Variants in SNX29 observed in about 807,000 individuals in gnomAD.
SNX29 encodes the protein sorting nexin-29.
A neutral mutation model predicts 102.1 loss-of-function variants in SNX29; 78 were observed. That is an observed-to-expected ratio of 0.76 (90% CI 0.64 to 0.92). SNX29 has a LOEUF of 0.92. Ranked by LOEUF, SNX29 falls within the 40% of genes least tolerant of loss-of-function variation. The pLI is 0.00. For synonymous variants in SNX29, 580 were observed against 414.5 expected (o/e 1.40, Z -4.85); for missense variants, 1,280 against 1,061.7 (o/e 1.21, Z -2.86).
intron 4 of SNX29, 138 bp from the exon 5 acceptor site, chr16:12,042,759 G>A: frequency 3.7e-6 from 3 of 807,132 alleles, no homozygotes; most frequent in South Asian, 1.9e-5. Flanking sequence ...CCATGTCTTT[G>A]GTGTTATCTC....
chr16:12,516,104 T>A (rs574605621), intron 19 of SNX29, among the ~76,000 whole-genome samples: 3 of 152,154 alleles, frequency 2.0e-5, no homozygotes, highest in African/African-American at 7.2e-5. Context: ...ATGGCTCTCG[T>A]CTAATTGCAA....
At chr16:12,554,163 A>C (rs894610765) in intron 20 of SNX29, among the ~76,000 whole-genome samples, 1 of 152,214 alleles carries the variant, frequency 6.6e-6, no homozygotes, top group Non-Finnish European at 1.5e-5. Flanking sequence ...TAAGTAAATG[A>C]GCAATGTGTG....
At chr16:12,419,800 G>A (rs1443149974) in intron 18 of SNX29, among the ~76,000 whole-genome samples, 1 of 152,212 alleles carries the variant, frequency 6.6e-6, no homozygotes, top group African/African-American at 2.4e-5. Flanking sequence ...CCCAGTGCCT[G>A]GGTAGGTGTG....
chr16:12,257,535 G>T (rs1463260152), intron 14 of SNX29, among the ~76,000 whole-genome samples: 2 of 151,824 alleles, frequency 1.3e-5, no homozygotes, highest in Non-Finnish European at 2.9e-5. Context: ...GAGAGACAGG[G>T]TCTTGCTCTG....
intron 11 of SNX29, chr16:12,089,839 G>A (rs1294355230): frequency 2.5e-6 from 1 of 399,944 alleles, no homozygotes; most frequent in South Asian, 1.8e-5. Context: ...CGTTCCTTCC[G>A]TCCTTCACTG....
intron 15 of SNX29, among the ~76,000 whole-genome samples, chr16:12,282,102 A>AAAG (rs1567393998): frequency 6.6e-6 from 1 of 151,244 alleles, no homozygotes; most frequent in East Asian, 1.9e-4. Flanking sequence ...AAAAAAAAAA[A>AAAG]AAAAAATGCA....
chr16:12,376,997 G>A (rs1256139011), intron 16 of SNX29, among the ~76,000 whole-genome samples: 1 of 152,022 alleles, frequency 6.6e-6, no homozygotes, highest in Non-Finnish European at 1.5e-5. Flanking sequence ...CTGGTTCTGG[G>A]GTTTTCTAAC....
intron 19 of SNX29, among the ~76,000 whole-genome samples, chr16:12,498,993 A>G (rs568855693): frequency 3.9e-5 from 6 of 152,290 alleles, no homozygotes; most frequent in African/African-American, 7.2e-5. Flanking sequence ...GGACAGCTGC[A>G]TAAATCTTTT....
chr16:12,529,869 A>G (rs552143427), intron 20 of SNX29, among the ~76,000 whole-genome samples: 8 of 152,324 alleles, frequency 5.3e-5, no homozygotes, highest in African/African-American at 1.9e-4. Context: ...GGAAGTAGCA[A>G]CTTTTGACTT....
At chr16:12,314,594 A>G (rs1233746578) in intron 15 of SNX29, among the ~76,000 whole-genome samples, 1 of 152,238 alleles carries the variant, frequency 6.6e-6, no homozygotes, top group African/African-American at 2.4e-5. Flanking sequence ...CTGATATGCA[A>G]GATATACCAC....
intron 15 of SNX29, among the ~76,000 whole-genome samples, chr16:12,321,175 C>G (rs2080919181): frequency 6.6e-6 from 1 of 152,144 alleles, no homozygotes; most frequent in African/African-American, 2.4e-5. Context: ...CCTACCACAT[C>G]CCAGTCTCAC....
At chr16:12,538,139 G>T (rs530123559) in intron 20 of SNX29, among the ~76,000 whole-genome samples, 1 of 152,074 alleles carries the variant, frequency 6.6e-6, no homozygotes, top group South Asian at 2.1e-4. Context: ...TTTTTGAGAC[G>T]GAGTCTCACT....
intron 14 of SNX29, among the ~76,000 whole-genome samples, chr16:12,266,772 T>G (rs545413652): frequency 6.6e-6 from 1 of 151,992 alleles, no homozygotes; most frequent in Non-Finnish European, 1.5e-5. Flanking sequence ...TGTAAATTTT[T>G]TTTTTCTTTG....
At chr16:12,201,914 A>G (rs1225668971) in intron 14 of SNX29, among the ~76,000 whole-genome samples, 2 of 152,172 alleles carry the variant, frequency 1.3e-5, no homozygotes, top group Non-Finnish European at 2.9e-5. Context: ...CAGGTTCCAT[A>G]TGCCCATTCT....
chr16:12,195,431 C>T (rs2076749210), intron 13 of SNX29, among the ~76,000 whole-genome samples: 1 of 152,308 alleles, frequency 6.6e-6, no homozygotes, highest in Non-Finnish European at 1.5e-5. Flanking sequence ...GTTCTTGAAG[C>T]TGTTGATTCA....
At chr16:12,533,003 C>T (rs865934279) in intron 20 of SNX29, among the ~76,000 whole-genome samples, 16 of 152,162 alleles carry the variant, frequency 1.1e-4, no homozygotes, top group Admixed American at 7.2e-4. Flanking sequence ...CTGAGCCCCT[C>T]GTCTGTGGGG....
At chr16:12,060,034 A>G (rs1394506722) in intron 8 of SNX29, among the ~76,000 whole-genome samples, 2 of 152,210 alleles carry the variant, frequency 1.3e-5, no homozygotes, top group Non-Finnish European at 2.9e-5. Context: ...CTACTGAGAT[A>G]CAGAATGATG....
intron 11 of SNX29, among the ~76,000 whole-genome samples, chr16:12,117,307 G>A (rs8046603): frequency 0.13 from 5,587 of 42,186 alleles, 251 homozygotes; most frequent in African/African-American, 0.23. Flanking sequence ...GGAAACAGGC[G>A]TGGTCAATAC....
rs145395725 is a variant in SNX29, at chr16:12,538,530, G to T, written c.2318+13689G>T. ...TGGTATGTGATAACATATTGCTTAT[G>T]CGTGAGGTGATGGGCTAGGAGGCTT... On this transcript the variant is annotated intron_variant, in intron 20 of 20. Transcript: ENST00000566228. Among the ~76,000 whole-genome samples, 39 of 152,308 alleles carry T rather than the reference G, an allele frequency of 2.6e-4. No homozygotes were observed. The East Asian group carries it at 7.3e-3, about 29-fold the overall frequency.
Sources: gnomAD v4.1 joint callset for allele counts (sites outside exome capture counted in the v4.1 genomes callset) on GRCh38, gnomAD v4.1.1 for gene constraint, MANE v1.5 for transcripts, NCBI Gene and HGNC (gene_info 2026-07-23, HGNC 2026-07-21) for gene names.